RUSC2: variants seen among roughly 807,000 people sequenced by gnomAD.
The protein encoded by RUSC2 is AP-4 complex accessory subunit RUSC2.
A neutral mutation model predicts 122.2 loss-of-function variants in RUSC2; 34 were observed. The ratio of observed to expected loss-of-function variants is 0.28; its 90% confidence interval spans 0.21 to 0.37. The LOEUF (loss-of-function observed/expected upper bound fraction) is 0.37, where lower values mean the gene tolerates loss of function less well. Ranked by LOEUF, RUSC2 falls within the 10% of genes least tolerant of loss-of-function variation. RUSC2 has a pLI of 1.00. For synonymous variants in RUSC2, 784 were observed against 790.0 expected, an observed-to-expected ratio of 0.99 and a Z score of 0.13; for missense variants, 1,747 against 1,952.4, an observed-to-expected ratio of 0.89 and a Z score of 1.98.
chr9:35,495,226 TTTATA>T (rs1169784487), intron 1 of RUSC2, among the ~76,000 whole-genome samples: 3 of 49,532 alleles, frequency 6.1e-5, no homozygotes, highest in African/African-American at 1.3e-4. Flanking sequence ...AAAGTATATA[TTTATA>T]TTATATATGA....
intron 1 of RUSC2, among the ~76,000 whole-genome samples, chr9:35,527,384 C>A (rs1821344535): frequency 1.3e-5 from 2 of 152,168 alleles, no homozygotes; most frequent in Middle Eastern, 6.8e-3. Context: ...AGGCTCTTAC[C>A]AAATTCCTGG....
At chr9:35,532,132 T>A (rs1424843545) in intron 1 of RUSC2, among the ~76,000 whole-genome samples, 1 of 152,236 alleles carries the variant, frequency 6.6e-6, no homozygotes, top group East Asian at 1.9e-4. Context: ...GACTCTTATT[T>A]TCAAGTTTGT....
intron 1 of RUSC2, among the ~76,000 whole-genome samples, chr9:35,515,336 T>C (rs1383349282): frequency 6.6e-6 from 1 of 152,178 alleles, no homozygotes; most frequent in African/African-American, 2.4e-5. Flanking sequence ...AGTGTCATAC[T>C]TGTGATTTTT....
At chr9:35,542,794 T>C (rs945483324) in intron 1 of RUSC2, among the ~76,000 whole-genome samples, 1 of 152,238 alleles carries the variant, frequency 6.6e-6, no homozygotes, top group Non-Finnish European at 1.5e-5. Context: ...CCCACGCTCA[T>C]GTGTTCTTCA....
chr9:35,556,257 G>A (rs1822016301), intron 4 of RUSC2, 51 bp from the exon 5 acceptor site: 1 of 1,607,042 alleles, frequency 6.2e-7, no homozygotes, highest in Non-Finnish European at 8.5e-7. Flanking sequence ...GAACTGGCCT[G>A]GAACTCCTGC....
intron 1 of RUSC2, among the ~76,000 whole-genome samples, chr9:35,519,046 G>A (rs570423453): frequency 3.9e-5 from 6 of 152,316 alleles, no homozygotes; most frequent in African/African-American, 1.4e-4. Context: ...CAGAGGTTTG[G>A]CACTAGACAG....
At chr9:35,530,476 G>A (rs939828769) in intron 1 of RUSC2, among the ~76,000 whole-genome samples, 1 of 152,114 alleles carries the variant, frequency 6.6e-6, no homozygotes, top group Non-Finnish European at 1.5e-5. Flanking sequence ...TTCCAGATAT[G>A]GTAGAATTTG....
intron 1 of RUSC2, among the ~76,000 whole-genome samples, chr9:35,529,226 A>C (rs1821376096): frequency 6.6e-6 from 1 of 152,168 alleles, no homozygotes. Context: ...AAGAGTTGGC[A>C]AACTCAGATG....
Position 35,560,288 on chromosome 9 carries a change from C to T in RUSC2, c.3648C>T (p.Gly1216=). The part of the protein sequence containing the change: ...LQLARARGQE[G]PGDVDRAAQG... The stretch of plus-strand genomic sequence containing the variant: ...TGGCCCGGGCCCGGGGCCAGGAGGG[C>T]CCTGGAGACGTGGACAGGGCAGCCC... Residue 1216 remains glycine, a synonymous_variant, in exon 10 of 12, where the codon GGC becomes GGT. Transcript: ENST00000361226. The T allele has an allele frequency of 6.3e-7, 1 of 1,594,094 alleles. No individual in the cohort carries two copies. The highest frequency in any genetic ancestry group is 8.5e-7 in the Non-Finnish European group (1 of 1,169,766).
rs1247032789 is a variant in RUSC2, at chr9:35,560,044, A to G, written c.3404A>G (p.His1135Arg). 6.3e-7 allele frequency: 1 copy of G among 1,599,566 alleles called. No individual in the cohort carries two copies. Among genetic ancestry groups the G allele is most frequent in the Non-Finnish European group, 8.6e-7 (1 of 1,168,802 alleles). The change falls in exon 10 of 12, where the codon CAC (histidine) becomes CGC (arginine). Residue 1135 changes from histidine to arginine, a missense_variant. Transcript: ENST00000361226. ...TTTCCCCTAGACATCATCCAGACCC[A>G]CTACCAGCCCTGGGGCTTCCTGAGT... ...LYNHEDIIQT[H>R]YQPWGFLSAA... is the part of the protein sequence containing the mutation.
rs1563869548 is a variant in RUSC2, at chr9:35,547,763, C to T, written c.1242C>T (p.Gly414=). 1 of 1,614,194 alleles carries T rather than the reference C, an allele frequency of 6.2e-7. No homozygotes were observed. The stretch of plus-strand genomic sequence containing the variant: ...CCCAATCATCCCCAAGCCCTGCTGG[C>T]TCTTCCATCACTAGCTGCTCTGAGG... ...LSSQSSPSPA[G]SSITSCSEEH... is the part of the protein sequence containing the mutation. The change falls in exon 2 of 12, where the codon GGC becomes GGT. Residue 414 remains glycine, a synonymous_variant. Coordinates refer to ENST00000361226, the MANE Select transcript of RUSC2 (RefSeq NM_014806.5). The surrounding 1 kb of genome is among the most constrained non-coding windows in gnomAD (Gnocchi z 4.6).
intron 1 of RUSC2, among the ~76,000 whole-genome samples, chr9:35,501,100 A>C (rs533652931): frequency 6.6e-6 from 1 of 152,338 alleles, no homozygotes; most frequent in South Asian, 2.1e-4. Context: ...TTTAAAACAG[A>C]CTTTTGTTCA....
chr9:35,516,157 G>A (rs1821103161), intron 1 of RUSC2, among the ~76,000 whole-genome samples: 1 of 151,988 alleles, frequency 6.6e-6, no homozygotes, highest in Admixed American at 6.6e-5. Context: ...GTGTGGGGAG[G>A]TATAACTACA....
Position 35,561,604 on chromosome 9 carries a change from A to T in RUSC2, c.*222A>T. On this transcript the variant is annotated 3_prime_UTR_variant, in exon 12 of 12. Transcript: ENST00000361226. Reference sequence around the variant, plus strand: ...ACCCAGGAGAGGGATGGGACACAGCACTGGGCTGCCAGGATTCCCCTGGCC... The same window carrying T: ...ACCCAGGAGAGGGATGGGACACAGCTCTGGGCTGCCAGGATTCCCCTGGCC... 1.7e-6 allele frequency: 1 copy of T among 584,940 alleles called. No homozygotes were observed. Among genetic ancestry groups the T allele is most frequent in the Non-Finnish European group, 3.0e-6 (1 of 331,926 alleles). 36.2% of individuals were successfully genotyped at this position (584,940 alleles called of 1,614,324 possible).
rs1183687433 is a variant in RUSC2 at position 35,555,893 on chromosome 9, ACT to A, written c.2657-56_2657-55del. On this transcript the variant is annotated intron_variant, in intron 3 of 11. Transcript: ENST00000361226. The surrounding 1 kb of genome is among the most constrained non-coding windows in gnomAD (Gnocchi z 4.6). ...TATGGGCCCACTGGGTGGATGTGAA[ACT>A]CTGTCTCGCTGTCTCCTGCCAACTC... 16 of 1,577,166 alleles carry A rather than the reference ACT, an allele frequency of 1.0e-5. No homozygotes were observed. The Admixed American group carries it at 2.3e-4, about 23-fold the overall frequency.
rs1404777303 is a variant in RUSC2 at position 35,558,576 on chromosome 9, A to C, written c.3341+9A>C. The stretch of plus-strand genomic sequence containing the variant: ...ATCCTCGGCCTGCTCAAGTGAGTGC[A>C]CAGAGCAGCAAGATCCCCTAAACAA... On this transcript the variant is annotated intron_variant, in intron 8 of 11. Coordinates refer to ENST00000361226, the MANE Select transcript of RUSC2 (RefSeq NM_014806.5). The surrounding 1 kb of genome is among the most constrained non-coding windows in gnomAD (Gnocchi z 4.3). The C allele has an allele frequency of 6.2e-7, 1 of 1,604,916 alleles. No homozygotes were observed. Among genetic ancestry groups the C allele is most frequent in the Non-Finnish European group, 8.5e-7 (1 of 1,171,668 alleles).
At chr9:35,510,301 C>T (rs375694381) in intron 1 of RUSC2, among the ~76,000 whole-genome samples, 2 of 152,082 alleles carry the variant, frequency 1.3e-5, no homozygotes, top group East Asian at 3.9e-4. Context: ...TGCTTGAGCC[C>T]GGGAGTTCAA....
At chr9:35,529,819 G>C (rs1821386727) in intron 1 of RUSC2, among the ~76,000 whole-genome samples, 1 of 152,062 alleles carries the variant, frequency 6.6e-6, no homozygotes, top group African/African-American at 2.4e-5. Flanking sequence ...CTTTACTAAG[G>C]CTCAGCTTTC....
intron 1 of RUSC2, among the ~76,000 whole-genome samples, chr9:35,509,826 C>T (rs1458921368): frequency 6.6e-6 from 1 of 152,174 alleles, no homozygotes; most frequent in Non-Finnish European, 1.5e-5. Context: ...TATATATCTT[C>T]TCTGTAACTC....
Sources: allele counts gnomAD v4.1 joint callset (sites outside exome capture counted in the v4.1 genomes callset), GRCh38; gene constraint gnomAD v4.1.1; non-coding constraint Gnocchi (gnomAD v3.1); transcripts MANE v1.5; gene names NCBI Gene and HGNC (gene_info 2026-07-23, HGNC 2026-07-21).